Variants in KCNIP4 observed in about 807,000 individuals in gnomAD.
The protein encoded by KCNIP4 is potassium voltage-gated channel interacting protein 4, also known as Kv channel-interacting protein 4.
In KCNIP4, 12 loss-of-function variants were observed where a neutral mutation model predicts 34.0. The observed-to-expected ratio is 0.35, with a 90% confidence interval of 0.23 to 0.57. The LOEUF is 0.57. KCNIP4 is among the 20% of genes least tolerant of loss of function. The pLI, the probability that KCNIP4 is intolerant of heterozygous loss-of-function variation, is 0.83. For missense variants in KCNIP4, 238 were observed against 311.7 expected, an observed-to-expected ratio of 0.76 and a Z score of 1.78; for synonymous variants, 124 against 102.2, an observed-to-expected ratio of 1.21 and a Z score of -1.29.
At chr4:21,576,934 T>C (rs1166685383) in intron 1 of KCNIP4, among the ~76,000 whole-genome samples, 1 of 152,146 alleles carries the variant, frequency 6.6e-6, no homozygotes, top group African/African-American at 2.4e-5. Context: ...ATAATAGTAA[T>C]AGAATTTATT....
intron 1 of KCNIP4, among the ~76,000 whole-genome samples, chr4:21,329,738 C>G (rs1212045824): frequency 6.6e-6 from 1 of 152,030 alleles, no homozygotes; most frequent in Non-Finnish European, 1.5e-5. Context: ...AAGAGCACTC[C>G]AAGAAGAGGG....
At chr4:21,084,578 C>T (rs1746259789) in intron 1 of KCNIP4, among the ~76,000 whole-genome samples, 1 of 148,162 alleles carries the variant, frequency 6.7e-6, no homozygotes, top group South Asian at 2.2e-4. Context: ...TTCTGCCATA[C>T]TGGGGATATA....
intron 1 of KCNIP4, among the ~76,000 whole-genome samples, chr4:21,706,462 A>T (rs1258314477): frequency 6.6e-6 from 1 of 152,204 alleles, no homozygotes; most frequent in Non-Finnish European, 1.5e-5. Context: ...CAGAAGGACA[A>T]AGAAGTGTAG....
intron 1 of KCNIP4, among the ~76,000 whole-genome samples, chr4:21,713,711 C>T (rs560151670): frequency 1.4e-4 from 22 of 152,302 alleles, no homozygotes; most frequent in African/African-American, 5.1e-4. Flanking sequence ...CCTTCTACCT[C>T]ACTGTATGTT....
chr4:20,813,314 G>A (rs975997065), intron 3 of KCNIP4, among the ~76,000 whole-genome samples: 1 of 152,168 alleles, frequency 6.6e-6, no homozygotes, highest in Non-Finnish European at 1.5e-5. Context: ...TAGAGTCCTT[G>A]TTGAGGAGGG....
At chr4:21,063,745 C>CA (rs1744122179) in intron 1 of KCNIP4, among the ~76,000 whole-genome samples, 1 of 151,616 alleles carries the variant, frequency 6.6e-6, no homozygotes, top group Non-Finnish European at 1.5e-5. Flanking sequence ...TAACTTTTAT[C>CA]AAAAAATGAT....
intron 1 of KCNIP4, among the ~76,000 whole-genome samples, chr4:21,208,820 C>G (rs892073043): frequency 6.6e-6 from 1 of 152,092 alleles, no homozygotes; most frequent in Non-Finnish European, 1.5e-5. Flanking sequence ...GCTCAGGAGG[C>G]GTCAGGAAAC....
chr4:21,698,794 T>C (rs972458925), intron 1 of KCNIP4, among the ~76,000 whole-genome samples: 1 of 152,118 alleles, frequency 6.6e-6, no homozygotes, highest in African/African-American at 2.4e-5. Flanking sequence ...AACTGATAAT[T>C]CCCAACAGTA....
chr4:21,504,627 A>G (rs1321323329), intron 1 of KCNIP4, among the ~76,000 whole-genome samples: 1 of 152,016 alleles, frequency 6.6e-6, no homozygotes, highest in Non-Finnish European at 1.5e-5. Context: ...TTCTTTAGGG[A>G]GGCTAATTCA....
chr4:21,466,611 A>G (rs1729962825), intron 1 of KCNIP4, among the ~76,000 whole-genome samples: 1 of 152,212 alleles, frequency 6.6e-6, no homozygotes, highest in Non-Finnish European at 1.5e-5. Flanking sequence ...AATGAGAGAC[A>G]GCAAGAGAGA....
chr4:21,697,507 A>T (rs1028199498), intron 1 of KCNIP4: 16 of 1,484,322 alleles, frequency 1.1e-5, no homozygotes, highest in Admixed American at 5.5e-5. Context: ...ATAATAATAA[A>T]AAGAGAGTCT....
At chr4:21,839,848 G>A (rs1181604448) in intron 1 of KCNIP4, among the ~76,000 whole-genome samples, 1 of 152,072 alleles carries the variant, frequency 6.6e-6, no homozygotes, top group African/African-American at 2.4e-5. Flanking sequence ...TCAAGCTTGG[G>A]ATAAGAATAG....
intron 1 of KCNIP4, among the ~76,000 whole-genome samples, chr4:21,515,885 C>T (rs191387030): frequency 1.3e-3 from 197 of 152,250 alleles, no homozygotes; most frequent in Non-Finnish European, 2.3e-3. Context: ...CTTCCAGAAG[C>T]ATGAGACAAA....
intron 1 of KCNIP4, among the ~76,000 whole-genome samples, chr4:21,842,276 C>A (rs1264449664): frequency 6.6e-6 from 1 of 152,042 alleles, no homozygotes; most frequent in Non-Finnish European, 1.5e-5. Context: ...TACCTTATTA[C>A]TAATTTGACA....
intron 1 of KCNIP4, among the ~76,000 whole-genome samples, chr4:21,653,201 A>G (rs1747651494): frequency 6.6e-6 from 1 of 152,180 alleles, no homozygotes; most frequent in African/African-American, 2.4e-5. Flanking sequence ...CATTGTTGAA[A>G]TTCAGACTAC....
chr4:21,748,420 T>A (rs540698606), intron 1 of KCNIP4, among the ~76,000 whole-genome samples: 2 of 152,152 alleles, frequency 1.3e-5, no homozygotes, highest in Non-Finnish European at 2.9e-5. Context: ...TAGACAGAAA[T>A]CCTGATTTTG....
intron 1 of KCNIP4, among the ~76,000 whole-genome samples, chr4:21,934,699 C>T (rs930767240): frequency 1.1e-4 from 16 of 151,954 alleles, no homozygotes; most frequent in Non-Finnish European, 8.8e-5. Flanking sequence ...CCACTCTTCC[C>T]CTGTCCTTCC....
chr4:21,054,235 G>A (rs924987868), intron 1 of KCNIP4, among the ~76,000 whole-genome samples: 2 of 151,990 alleles, frequency 1.3e-5, no homozygotes, highest in Non-Finnish European at 2.9e-5. Flanking sequence ...AATAAACAAA[G>A]AGGCTGGGCA....
At chr4:21,665,520 CCCT>C (rs1470307438) in intron 1 of KCNIP4, among the ~76,000 whole-genome samples, 82 of 150,236 alleles carry the variant, frequency 5.5e-4, no homozygotes, top group African/African-American at 2.0e-3. Flanking sequence ...CACCCCCCCC[CCCT>C]CATTTTATAC....
Sources: allele counts gnomAD v4.1 joint callset (sites outside exome capture counted in the v4.1 genomes callset), GRCh38; gene constraint gnomAD v4.1.1; transcripts MANE v1.5; gene names NCBI Gene and HGNC (gene_info 2026-07-23, HGNC 2026-07-21).